SLC35F4: variants seen among roughly 807,000 people sequenced by gnomAD.
The protein encoded by SLC35F4 is chromosome 14 open reading frame 36.
SLC35F4 carries 24 observed loss-of-function variants against 44.2 expected under a neutral mutation model. The observed-to-expected ratio is 0.54, with a 90% CI of 0.39 to 0.76. SLC35F4 has a LOEUF of 0.76. Ranked by LOEUF, SLC35F4 falls within the 30% of genes least tolerant of loss-of-function variation. The pLI is 0.00. For synonymous variants in SLC35F4, 238 were observed against 223.6 expected (o/e 1.06, Z -0.57); for missense variants, 562 against 586.1 (o/e 0.96, Z 0.42).
chr14:57,755,233 G>A (rs1461963189), intron 1 of SLC35F4, among the ~76,000 whole-genome samples: 2 of 152,190 alleles, frequency 1.3e-5, no homozygotes, highest in African/African-American at 4.8e-5. Context: ...CAAGACTAGG[G>A]AGGCTTTCCA....
chr14:57,717,631 G>A (rs963131101), intron 1 of SLC35F4, among the ~76,000 whole-genome samples: 1 of 152,084 alleles, frequency 6.6e-6, no homozygotes, highest in African/African-American at 2.4e-5. Context: ...GCGAGACTCC[G>A]TCTCAAAAAA....
At chr14:57,888,889 T>C (rs906780055) in intron 1 of SLC35F4, among the ~76,000 whole-genome samples, 4 of 152,222 alleles carry the variant, frequency 2.6e-5, no homozygotes, top group African/African-American at 7.2e-5. Context: ...ATTGAAAATA[T>C]ACCAAATATA....
At chr14:57,865,238 C>T (rs1433268328) in intron 1 of SLC35F4, among the ~76,000 whole-genome samples, 2 of 152,160 alleles carry the variant, frequency 1.3e-5, no homozygotes, top group Non-Finnish European at 2.9e-5. Flanking sequence ...GCTGACCCCA[C>T]CAGCGCCGGG....
chr14:57,799,020 A>T (rs932194743), intron 1 of SLC35F4, among the ~76,000 whole-genome samples: 5 of 152,356 alleles, frequency 3.3e-5, no homozygotes, highest in African/African-American at 1.2e-4. Flanking sequence ...GATTGACACA[A>T]GATGTCCAAT....
chr14:57,630,234 G>C, intron 1 of SLC35F4: 1 of 556,474 alleles, frequency 1.8e-6, no homozygotes, highest in Admixed American at 2.1e-5. Flanking sequence ...ATGCTATGAT[G>C]ATGATGACAG....
intron 1 of SLC35F4, among the ~76,000 whole-genome samples, chr14:57,682,797 G>T (rs1440959035): frequency 6.6e-6 from 1 of 152,086 alleles, no homozygotes; most frequent in African/African-American, 2.4e-5. Context: ...GACTGACCTT[G>T]GGCAAGGCAC....
intron 1 of SLC35F4, among the ~76,000 whole-genome samples, chr14:57,613,821 C>T (rs1279324932): frequency 3.3e-5 from 5 of 152,208 alleles, no homozygotes; most frequent in Non-Finnish European, 7.3e-5. Flanking sequence ...GTTATCTTTC[C>T]TCTCCAAGCC....
chr14:57,807,304 G>A (rs1595111385), intron 1 of SLC35F4, among the ~76,000 whole-genome samples: 1 of 149,394 alleles, frequency 6.7e-6, no homozygotes, highest in African/African-American at 2.6e-5. Context: ...GGGGAATTCT[G>A]CCCCAGCTGG....
chr14:57,882,558 T>C (rs934275912), intron 1 of SLC35F4, among the ~76,000 whole-genome samples: 1 of 152,158 alleles, frequency 6.6e-6, no homozygotes, highest in African/African-American at 2.4e-5. Flanking sequence ...TTCCCTATAC[T>C]CTGGGAAAAT....
At chr14:57,718,591 C>T (rs2076002383) in intron 1 of SLC35F4, among the ~76,000 whole-genome samples, 1 of 152,148 alleles carries the variant, frequency 6.6e-6, no homozygotes, top group African/African-American at 2.4e-5. Flanking sequence ...CTCTGATGAT[C>T]AATAATGTTG....
intron 1 of SLC35F4, among the ~76,000 whole-genome samples, chr14:57,835,732 C>A (rs1425574844): frequency 6.6e-6 from 1 of 152,196 alleles, no homozygotes; most frequent in African/African-American, 2.4e-5. Context: ...TAATTTAGCA[C>A]TGATCACCCA....
rs141692232 is a variant in SLC35F4, at chr14:57,861,676, G to A, written c.103+4047C>T. ...GACCTTTAATTGTCAAATTCAATCG[G>A]TCTTCTTTTTACTTGACCTTTCAAT... is the stretch of plus-strand genomic sequence containing the variant. On this transcript the variant is annotated intron_variant, in intron 1 of 7. Coordinates refer to ENST00000556826, the MANE Select transcript of SLC35F4 (RefSeq NM_001306087.2). Among the ~76,000 whole-genome samples the A allele has an allele frequency of 3.6e-3, 548 of 152,144 alleles. 2 individuals carry two copies. The highest frequency in any genetic ancestry group is 0.012 in the African/African-American group (498 of 41,492).
At chr14:57,850,525 C>T (rs112137518) in intron 1 of SLC35F4, among the ~76,000 whole-genome samples, 4,078 of 152,122 alleles carry the variant, frequency 0.027, 192 homozygotes, top group African/African-American at 0.093. Context: ...ATTTGTATCA[C>T]TTTTGAGAAA....
intron 1 of SLC35F4, among the ~76,000 whole-genome samples, chr14:57,848,805 T>G (rs1352351866): frequency 6.6e-6 from 1 of 152,210 alleles, no homozygotes; most frequent in Non-Finnish European, 1.5e-5. Flanking sequence ...ATGATTGGCA[T>G]TTTCTAAGCT....
intron 1 of SLC35F4, among the ~76,000 whole-genome samples, chr14:57,644,167 G>C (rs1199934406): frequency 6.6e-6 from 1 of 152,148 alleles, no homozygotes; most frequent in Non-Finnish European, 1.5e-5. Context: ...GGTATTTCTA[G>C]TTCTAGATCC....
At chr14:57,690,102 G>A (rs1034309134) in intron 1 of SLC35F4, among the ~76,000 whole-genome samples, 3 of 152,062 alleles carry the variant, frequency 2.0e-5, no homozygotes, top group South Asian at 2.1e-4. Context: ...CAACTTTTAA[G>A]CCTAAAATCA....
At chr14:57,730,310 T>A (rs1245681346) in intron 1 of SLC35F4, among the ~76,000 whole-genome samples, 1 of 152,170 alleles carries the variant, frequency 6.6e-6, no homozygotes, top group Admixed American at 6.5e-5. Flanking sequence ...CATCTTCTCA[T>A]CTTTTGTCTT....
chr14:57,937,585 A>G (rs866778050), intron 1 of SLC35F4, among the ~76,000 whole-genome samples: 26 of 97,236 alleles, frequency 2.7e-4, no homozygotes, highest in African/African-American at 7.6e-4. Flanking sequence ...AGAAAAGAAA[A>G]GAAAGAAAAG....
intron 1 of SLC35F4, among the ~76,000 whole-genome samples, chr14:57,978,509 G>A (rs1010889173): frequency 6.6e-6 from 1 of 152,274 alleles, no homozygotes; most frequent in East Asian, 1.9e-4. Flanking sequence ...CATGACCGTA[G>A]GATCTTCTGG....
Sources: gnomAD v4.1 joint callset for allele counts (sites outside exome capture counted in the v4.1 genomes callset) on GRCh38, gnomAD v4.1.1 for gene constraint, MANE v1.5 for transcripts, NCBI Gene and HGNC (gene_info 2026-07-23, HGNC 2026-07-21) for gene names.